RBM18: variants seen among roughly 807,000 people sequenced by gnomAD.
The protein encoded by RBM18 is probable RNA-binding protein 18.
RBM18 carries 18 observed loss-of-function variants against 26.4 expected under a neutral mutation model. The observed-to-expected ratio is 0.68, with a 90% CI of 0.47 to 1.01. The LOEUF is 1.01. Among genes scored for constraint, RBM18 ranks in the 50% least tolerant of loss-of-function variants. The probability of loss-of-function intolerance (pLI) is 0.00; values close to 1 mark genes in which losing one functional copy is unlikely to be tolerated. For synonymous variants in RBM18, 74 were observed against 81.1 expected (o/e 0.91, Z 0.47); for missense variants, 180 against 219.2 (o/e 0.82, Z 1.13).
chr9:122,262,042 C>T (rs62575581), intron 1 of RBM18, among the ~76,000 whole-genome samples: 76,358 of 151,846 alleles, frequency 0.5, 20,182 homozygotes, highest in African/African-American at 0.67. Flanking sequence ...ACTTGATGAA[C>T]TACCTGAACT....
In RBM18 at chr9:122,241,595, C is replaced by T. The variant is rs553747713; in HGVS notation, c.*289G>A. On this transcript the variant is annotated 3_prime_UTR_variant, in exon 6 of 6. Coordinates refer to ENST00000417201, the MANE Select transcript of RBM18 (RefSeq NM_033117.4). ...TGTATTTGCCTTTTGCTCTGGCACA[C>T]TATAGAATGTTTCTGGAGTTACAAA... is the stretch of plus-strand genomic sequence containing the variant. The T allele has an allele frequency of 6.1e-4, 175 of 286,336 alleles. 2 individuals carry two copies. The highest frequency in any genetic ancestry group is 3.5e-3 in the African/African-American group (163 of 46,154). The allele number at this position is 286,336 out of a possible 1,614,324, so 17.7% of individuals were successfully genotyped here. A position where few individuals can be genotyped will look rare whatever the true frequency, so the allele number is the denominator to read the frequency against.
At chr9:122,254,708 G>A (rs1396940338) in intron 2 of RBM18, among the ~76,000 whole-genome samples, 4 of 152,226 alleles carry the variant, frequency 2.6e-5, no homozygotes, top group African/African-American at 9.6e-5. Flanking sequence ...CCTACAATGT[G>A]TCTAGAGCCA....
intron 2 of RBM18, among the ~76,000 whole-genome samples, chr9:122,256,344 T>C (rs926097794): frequency 1.3e-5 from 2 of 152,212 alleles, no homozygotes; most frequent in Non-Finnish European, 2.9e-5. Context: ...CTCAGATTCC[T>C]CCTTCTATTA....
At chr9:122,248,489 A>T (rs75553861) in intron 3 of RBM18, among the ~76,000 whole-genome samples, 1 of 152,238 alleles carries the variant, frequency 6.6e-6, no homozygotes, top group Admixed American at 6.5e-5. Context: ...CATGGGAGTC[A>T]AGGAAACTAG....
At chr9:122,253,876 A>C (rs1405145646) in intron 2 of RBM18, among the ~76,000 whole-genome samples, 1 of 151,898 alleles carries the variant, frequency 6.6e-6, no homozygotes, top group African/African-American at 2.4e-5. Context: ...AAATACAAAA[A>C]AATTAGCCAA....
At position 122,239,619 on chromosome 9, in the gene RBM18, G is replaced by A. The variant is rs1831379046; in HGVS notation, c.*2265C>T. 6.6e-6 allele frequency: 1 copy of A among 152,176 alleles called. No homozygotes were observed. Among genetic ancestry groups the A allele is most frequent in the African/African-American group, 2.4e-5 (1 of 41,434 alleles). 9.4% of individuals were successfully genotyped at this position (152,176 alleles called of 1,614,324 possible). A position where few individuals can be genotyped will look rare whatever the true frequency, so the allele number is the denominator to read the frequency against. ...AACCTCCTAACAAAGAGTTGACCAA[G>A]TTAACACCTGAAATTTAAAAACCTT... is the stretch of plus-strand genomic sequence containing the variant. On this transcript the variant is annotated 3_prime_UTR_variant, in exon 6 of 6. Transcript: ENST00000417201.
intron 5 of RBM18, 56 bp downstream of exon 5, chr9:122,245,200 A>G: frequency 1.0e-6 from 1 of 998,286 alleles, no homozygotes; most frequent in South Asian, 1.3e-5. Context: ...GACATGGAAT[A>G]ATGAAATGGC....
intron 2 of RBM18, among the ~76,000 whole-genome samples, chr9:122,259,952 C>A (rs1473404184): frequency 6.6e-6 from 1 of 152,156 alleles, no homozygotes; most frequent in Non-Finnish European, 1.5e-5. Flanking sequence ...CCTCGTCCTC[C>A]CAAAGTGCTG....
intron 5 of RBM18, among the ~76,000 whole-genome samples, chr9:122,242,671 T>A (rs1245836170): frequency 2.6e-5 from 4 of 152,134 alleles, no homozygotes; most frequent in Non-Finnish European, 5.9e-5. Flanking sequence ...CTGTTTTTTT[T>A]TTTTTAGACA....
chr9:122,261,554 T>A, intron 1 of RBM18, 46 bp from the exon 2 acceptor site: 1 of 1,210,006 alleles, frequency 8.3e-7, no homozygotes, highest in Non-Finnish European at 1.2e-6. Flanking sequence ...TAACAATGTG[T>A]GAACACAAGA....
chr9:122,246,444 AT>A (rs1471535661), intron 4 of RBM18, among the ~76,000 whole-genome samples: 5 of 152,240 alleles, frequency 3.3e-5, no homozygotes, highest in African/African-American at 1.2e-4. Context: ...ATGGAGGATG[AT>A]TTCTCTTGCG....
chr9:122,261,218 A>C (rs1373541877), intron 2 of RBM18, among the ~76,000 whole-genome samples, 162 bp downstream of exon 2: 1 of 152,194 alleles, frequency 6.6e-6, no homozygotes, highest in Admixed American at 6.5e-5. Flanking sequence ...AAATGTAAAA[A>C]AAGTGACAAG....
At chr9:122,258,269 C>CTT (rs1054836760) in intron 2 of RBM18, among the ~76,000 whole-genome samples, 1 of 151,892 alleles carries the variant, frequency 6.6e-6, no homozygotes, top group Non-Finnish European at 1.5e-5. Context: ...TTCTTTCTTT[C>CTT]TTTCTTTCTT....
intron 5 of RBM18, among the ~76,000 whole-genome samples, chr9:122,242,270 T>C (rs963068316): frequency 3.9e-5 from 6 of 152,246 alleles, no homozygotes; most frequent in Non-Finnish European, 7.3e-5. Context: ...CTGGACATTG[T>C]TGGGAGTACT....
At position 122,238,788 on chromosome 9, in the gene RBM18, A is replaced by T. The variant is rs893823235; in HGVS notation, c.*3096T>A. The stretch of plus-strand genomic sequence containing the variant: ...GGCTACTGTGTGGAAAACGGACCCT[A>T]AAGAATCAATAGCAGAGGCAGGGAG... On this transcript the variant is annotated 3_prime_UTR_variant, in exon 6 of 6. Transcript: ENST00000417201. 6.6e-6 allele frequency: 1 copy of T among 152,194 alleles called. No individual in the cohort carries two copies. 9.4% of individuals were successfully genotyped at this position (152,194 alleles called of 1,614,324 possible). A position where few individuals can be genotyped will look rare whatever the true frequency, so the allele number is the denominator to read the frequency against.
chr9:122,251,782 G>C, intron 3 of RBM18, 65 bp downstream of exon 3: 1 of 1,488,996 alleles, frequency 6.7e-7, no homozygotes, highest in Non-Finnish European at 9.3e-7. Flanking sequence ...GTAGGCAAGA[G>C]ACATGCACAA....
chr9:122,250,018 C>A (rs1831573101), intron 3 of RBM18, among the ~76,000 whole-genome samples: 1 of 136,582 alleles, frequency 7.3e-6, no homozygotes, highest in Non-Finnish European at 1.5e-5. Flanking sequence ...TGCAGTGGGT[C>A]ATGATTGTGT....
chr9:122,253,768 G>A (rs1655152732), intron 2 of RBM18, among the ~76,000 whole-genome samples: 1 of 150,994 alleles, frequency 6.6e-6, no homozygotes, highest in African/African-American at 2.4e-5. Flanking sequence ...GCTCACGCCT[G>A]TAATCTCAGC....
Position 122,241,611 on chromosome 9 carries a change from G to A in RBM18, c.*273C>T. 1 of 317,818 alleles carries A rather than the reference G, an allele frequency of 3.1e-6. No individual in the cohort carries two copies. The highest frequency in any genetic ancestry group is 5.7e-6 in the Non-Finnish European group (1 of 174,546). 19.7% of individuals were successfully genotyped at this position (317,818 alleles called of 1,614,324 possible). A position where few individuals can be genotyped will look rare whatever the true frequency, so the allele number is the denominator to read the frequency against. The stretch of plus-strand genomic sequence containing the variant: ...TCTGGCACACTATAGAATGTTTCTG[G>A]AGTTACAAATCCAAACCAACCAGCC... On this transcript the variant is annotated 3_prime_UTR_variant, in exon 6 of 6. Transcript: ENST00000417201.
Sources: allele counts gnomAD v4.1 joint callset (sites outside exome capture counted in the v4.1 genomes callset), GRCh38; gene constraint gnomAD v4.1.1; transcripts MANE v1.5; gene names NCBI Gene and HGNC (gene_info 2026-07-23, HGNC 2026-07-21).